The following EFCAB11 variants were observed in gnomAD, a reference collection of about 807,000 sequenced individuals.
EFCAB11 encodes EF-hand calcium-binding domain-containing protein 11.
EFCAB11 carries 14 observed loss-of-function variants against 23.0 expected under a neutral mutation model. The ratio of observed to expected loss-of-function variants is 0.61; its 90% CI spans 0.40 to 0.95. The LOEUF is 0.95. Among genes scored for constraint, EFCAB11 ranks in the 40% least tolerant of loss-of-function variants. The pLI is 0.00. For synonymous variants in EFCAB11, 65 were observed against 66.6 expected (o/e 0.98, Z 0.11); for missense variants, 198 against 195.8 (o/e 1.01, Z -0.07).
At chr14:89,934,864 A>G (rs1024955111) in intron 3 of EFCAB11, among the ~76,000 whole-genome samples, 2 of 152,148 alleles carry the variant, frequency 1.3e-5, no homozygotes, top group African/African-American at 4.8e-5. Context: ...ATTCTTGAAT[A>G]ATGTATTCAC....
chr14:89,949,722 T>C (rs1891100286), intron 3 of EFCAB11, among the ~76,000 whole-genome samples: 1 of 152,162 alleles, frequency 6.6e-6, no homozygotes, highest in South Asian at 2.1e-4. Context: ...TTCATGCTAC[T>C]GATAAAGACA....
At chr14:89,808,413 G>C (rs1048424477) in intron 5 of EFCAB11, among the ~76,000 whole-genome samples, 1 of 152,032 alleles carries the variant, frequency 6.6e-6, no homozygotes, top group African/African-American at 2.4e-5. Flanking sequence ...TGTGAAGATA[G>C]ATTTTTTTTT....
rs1037349292 is a variant in EFCAB11, at chr14:89,795,511, C to T, written c.*1732G>A. The T allele has an allele frequency of 6.6e-6, 1 of 151,828 alleles. No individual in the cohort carries two copies. The highest frequency in any genetic ancestry group is 6.6e-5 in the Admixed American group (1 of 15,264). The allele number at this position is 151,828 out of a possible 1,614,324, so 9.4% of individuals were successfully genotyped here. ...CCAACATGGTGAAACCCCTTCTCTA[C>T]TAAAAATTAGCCGGGTGTGGCGGTA... On this transcript the variant is annotated 3_prime_UTR_variant, in exon 6 of 6. Transcript: ENST00000316738.
At chr14:89,826,801 G>T (rs541877929) in intron 5 of EFCAB11, among the ~76,000 whole-genome samples, 1 of 152,090 alleles carries the variant, frequency 6.6e-6, no homozygotes, top group East Asian at 1.9e-4. Context: ...AAGTGCAGCC[G>T]CCACTTGGTC....
chr14:89,946,469 T>C (rs1209872355), intron 3 of EFCAB11, among the ~76,000 whole-genome samples: 1 of 152,246 alleles, frequency 6.6e-6, no homozygotes, highest in Non-Finnish European at 1.5e-5. Context: ...TGAGATCATT[T>C]ACATCTAACT....
At chr14:89,818,702 T>TA (rs796658863) in intron 5 of EFCAB11, among the ~76,000 whole-genome samples, 27 of 152,028 alleles carry the variant, frequency 1.8e-4, no homozygotes, top group African/African-American at 6.5e-4. Context: ...AAATACCACG[T>TA]AAAAAATAGG....
At chr14:89,841,182 T>C (rs908770894) in intron 5 of EFCAB11, among the ~76,000 whole-genome samples, 3 of 152,218 alleles carry the variant, frequency 2.0e-5, no homozygotes, top group Non-Finnish European at 4.4e-5. Flanking sequence ...CAGCTAATGC[T>C]CATTTCACCT....
intron 5 of EFCAB11, among the ~76,000 whole-genome samples, chr14:89,856,512 A>G (rs1230365979): frequency 1.3e-5 from 2 of 152,196 alleles, no homozygotes; most frequent in Non-Finnish European, 2.9e-5. Flanking sequence ...AGAAATCTCC[A>G]TACTGATTTC....
intron 3 of EFCAB11, among the ~76,000 whole-genome samples, chr14:89,934,012 G>T (rs1418830168): frequency 1.3e-5 from 2 of 152,212 alleles, no homozygotes; most frequent in Non-Finnish European, 2.9e-5. Context: ...ATGAAAAAAG[G>T]CTGCTGTGGC....
chr14:89,884,813 T>C (rs1279844378), intron 5 of EFCAB11, among the ~76,000 whole-genome samples: 1 of 152,166 alleles, frequency 6.6e-6, no homozygotes, highest in Non-Finnish European at 1.5e-5. Flanking sequence ...TGGGAAGTAA[T>C]TAGGTCATGA....
intron 5 of EFCAB11, among the ~76,000 whole-genome samples, chr14:89,868,343 T>C (rs1423995934): frequency 6.6e-6 from 1 of 152,214 alleles, no homozygotes; most frequent in African/African-American, 2.4e-5. Context: ...AAATTATGTA[T>C]ATTTAAACCA....
At chr14:89,884,320 A>C (rs1273734404) in intron 5 of EFCAB11, among the ~76,000 whole-genome samples, 1 of 152,218 alleles carries the variant, frequency 6.6e-6, no homozygotes, top group Non-Finnish European at 1.5e-5. Flanking sequence ...CAGAAAAAGC[A>C]TTTAATAAAA....
At chr14:89,844,755 T>C (rs1432025972) in intron 5 of EFCAB11, among the ~76,000 whole-genome samples, 1 of 152,240 alleles carries the variant, frequency 6.6e-6, no homozygotes, top group African/African-American at 2.4e-5. Context: ...CTTAACAAAG[T>C]CCTGGTTGGA....
In EFCAB11 at chr14:89,932,457, G is replaced by A. The variant is rs539570181; in HGVS notation, c.319+69C>T. ...GTATATTATATATTTGATTTACTGG[G>A]TATATAATCCTATTTGCAATCCCTT... On this transcript the variant is annotated intron_variant, in intron 4 of 5. Transcript: ENST00000316738. The A allele has an allele frequency of 1.3e-5, 15 of 1,130,664 alleles. No homozygotes were observed. The African/African-American group carries it at 1.7e-4, about 13-fold the overall frequency. 70.0% of individuals were successfully genotyped at this position (1,130,664 alleles called of 1,614,324 possible).
chr14:89,906,311 T>C (rs1889498526), intron 5 of EFCAB11, among the ~76,000 whole-genome samples: 1 of 152,212 alleles, frequency 6.6e-6, no homozygotes, highest in African/African-American at 2.4e-5. Flanking sequence ...CATGATTACC[T>C]GATATATCTG....
chr14:89,803,740 A>C (rs888312701), intron 5 of EFCAB11, among the ~76,000 whole-genome samples: 2 of 152,228 alleles, frequency 1.3e-5, no homozygotes, highest in Admixed American at 1.3e-4. Flanking sequence ...GGGGATGAGA[A>C]GACCCGCCAA....
chr14:89,813,367 T>C (rs1408215615), intron 5 of EFCAB11, among the ~76,000 whole-genome samples: 3 of 152,132 alleles, frequency 2.0e-5, no homozygotes, highest in Non-Finnish European at 4.4e-5. Flanking sequence ...TATTGTAGGG[T>C]TATTTATAAA....
chr14:89,855,275 A>G (rs184866497), intron 5 of EFCAB11, among the ~76,000 whole-genome samples: 13 of 152,172 alleles, frequency 8.5e-5, no homozygotes, highest in African/African-American at 3.1e-4. Flanking sequence ...CAGAACTTCA[A>G]GACCAGCCTG....
At chr14:89,881,737 T>C (rs1307396209) in intron 5 of EFCAB11, among the ~76,000 whole-genome samples, 1 of 151,876 alleles carries the variant, frequency 6.6e-6, no homozygotes, top group Non-Finnish European at 1.5e-5. Flanking sequence ...CATGAGCCAC[T>C]GTGCCTGGCC....
Sources: allele counts gnomAD v4.1 joint callset (sites outside exome capture counted in the v4.1 genomes callset), GRCh38; gene constraint gnomAD v4.1.1; transcripts MANE v1.5; gene names NCBI Gene and HGNC (gene_info 2026-07-23, HGNC 2026-07-21).